The following RNGTT variants were observed in gnomAD, a reference collection of about 807,000 sequenced individuals.
RNGTT encodes the protein RNA guanylyltransferase and 5'-phosphatase, also known as mRNA-capping enzyme.
A neutral mutation model predicts 79.3 loss-of-function variants in RNGTT; 33 were observed. The observed-to-expected ratio is 0.42, with a 90% CI of 0.32 to 0.56. The LOEUF is 0.56. Ranked by LOEUF, RNGTT falls within the 20% of genes least tolerant of loss-of-function variation. The pLI, the probability that RNGTT is intolerant of heterozygous loss-of-function variation, is 0.17. For synonymous variants in RNGTT, 222 were observed against 235.9 expected, an observed-to-expected ratio of 0.94 and a Z score of 0.54; for missense variants, 497 against 739.1, an observed-to-expected ratio of 0.67 and a Z score of 3.80.
Position 88,698,224 on chromosome 6 carries a change from TATATATATG to T in RNGTT, c.1440-19814_1440-19806del, listed in dbSNP as rs1775794973. On this transcript the variant is annotated intron_variant, in intron 13 of 15. Coordinates refer to ENST00000369485, the MANE Select transcript of RNGTT (RefSeq NM_003800.5). ...TGATATATATGAAATATATATATCA[TATATATATG>T]AAATATATATATGAAATATATATAT... Among the ~76,000 whole-genome samples, 4 of 77,552 alleles carry T rather than the reference TATATATATG, an allele frequency of 5.2e-5. No individual in the cohort carries two copies. The African/African-American group carries it at 6.8e-4, about 13-fold the overall frequency. 50.9% of individuals were successfully genotyped at this position (77,552 alleles called of 152,430 possible).
chr6:88,940,959 CCTT>C, intron 2 of RNGTT, 109 bp downstream of exon 2: 1 of 581,278 alleles, frequency 1.7e-6, no homozygotes, highest in Non-Finnish European at 3.0e-6. Flanking sequence ...CTGCAACTTC[CCTT>C]GAGTCTATTA....
intron 14 of RNGTT, among the ~76,000 whole-genome samples, chr6:88,638,325 G>A (rs1252117174): frequency 6.6e-6 from 1 of 152,114 alleles, no homozygotes; most frequent in African/African-American, 2.4e-5. Flanking sequence ...TCATATGTAT[G>A]TGGATGGTTT....
chr6:88,952,132 A>T (rs1337750071), intron 1 of RNGTT, among the ~76,000 whole-genome samples: 1 of 152,064 alleles, frequency 6.6e-6, no homozygotes, highest in Non-Finnish European at 1.5e-5. Flanking sequence ...GAGCTGGGTG[A>T]AGCCTTTCAT....
At chr6:88,768,919 T>C (rs1037560518) in intron 13 of RNGTT, among the ~76,000 whole-genome samples, 3 of 152,176 alleles carry the variant, frequency 2.0e-5, no homozygotes, top group Non-Finnish European at 4.4e-5. Flanking sequence ...ATAAAAAATC[T>C]TAATGAAAGT....
chr6:88,710,708 G>A (rs1275816519), intron 13 of RNGTT, among the ~76,000 whole-genome samples: 1 of 152,026 alleles, frequency 6.6e-6, no homozygotes, highest in African/African-American at 2.4e-5. Context: ...CAAATGTAAG[G>A]AGCATAACAA....
At chr6:88,906,720 C>T (rs1481024338) in intron 4 of RNGTT, among the ~76,000 whole-genome samples, 1 of 152,002 alleles carries the variant, frequency 6.6e-6, no homozygotes, top group Non-Finnish European at 1.5e-5. Flanking sequence ...TAGAAGATTC[C>T]AAGCATTTTA....
intron 12 of RNGTT, among the ~76,000 whole-genome samples, chr6:88,773,083 A>G (rs1363079252): frequency 2.1e-5 from 3 of 145,210 alleles, no homozygotes; most frequent in South Asian, 2.3e-4. Flanking sequence ...ATGTCCAACA[A>G]TGATAGACTG....
chr6:88,718,389 A>G (rs1006494758), intron 13 of RNGTT, among the ~76,000 whole-genome samples: 29 of 150,772 alleles, frequency 1.9e-4, no homozygotes, highest in African/African-American at 5.6e-4. Context: ...TGTCTCTCAA[A>G]AAAAAAAAAA....
chr6:88,628,890 T>G (rs1772736115), intron 14 of RNGTT, among the ~76,000 whole-genome samples: 1 of 152,150 alleles, frequency 6.6e-6, no homozygotes, highest in Admixed American at 6.6e-5. Flanking sequence ...GTTCAGCTAA[T>G]GGAGCATCCT....
chr6:88,844,502 C>T lies in RNGTT; in HGVS notation c.1124G>A (p.Cys375Tyr). ...ACACTGCAGACGAACATTAAAATCACAATCTCCAACGGGCTGTGACTGAAT... is the reference window on the plus strand; with the variant it reads ...ACACTGCAGACGAACATTAAAATCATAATCTCCAACGGGCTGTGACTGAAT... Reference protein sequence around the residue: ...IKFNSQPVGDCDFNVRLQCIE... With the variant: ...IKFNSQPVGDYDFNVRLQCIE... Residue 375 changes from cysteine to tyrosine, a missense_variant, in exon 11 of 16, where the codon TGT becomes TAT. Transcript: ENST00000369485. 6.2e-7 allele frequency: 1 copy of T among 1,610,088 alleles called. No homozygotes were observed. The highest frequency in any genetic ancestry group is 8.5e-7 in the Non-Finnish European group (1 of 1,179,022).
chr6:88,755,501 T>TA (rs1363581115), intron 13 of RNGTT, among the ~76,000 whole-genome samples: 1 of 152,026 alleles, frequency 6.6e-6, no homozygotes, highest in Non-Finnish European at 1.5e-5. Flanking sequence ...TTTTCAGTAA[T>TA]ACCTGTAGGG....
chr6:88,770,405 TAAAAATA>T (rs1183901198), intron 12 of RNGTT, among the ~76,000 whole-genome samples: 5 of 152,192 alleles, frequency 3.3e-5, no homozygotes, highest in South Asian at 2.1e-4. Flanking sequence ...AGAAATACTT[TAAAAATA>T]AAAAATAAAG....
At chr6:88,769,588 G>T (rs922390070) in intron 13 of RNGTT, among the ~76,000 whole-genome samples, 186 bp downstream of exon 13, 2 of 151,964 alleles carry the variant, frequency 1.3e-5, no homozygotes, top group African/African-American at 4.8e-5. Flanking sequence ...AGCTGACACA[G>T]GTCAAAGGAG....
intron 14 of RNGTT, among the ~76,000 whole-genome samples, chr6:88,673,354 A>G (rs1774730323): frequency 6.6e-6 from 1 of 152,260 alleles, no homozygotes; most frequent in Admixed American, 6.5e-5. Context: ...TGAACATAAC[A>G]AATACTGGTA....
chr6:88,659,481 A>T (rs1477892659), intron 14 of RNGTT, among the ~76,000 whole-genome samples: 3 of 152,220 alleles, frequency 2.0e-5, no homozygotes, highest in Non-Finnish European at 4.4e-5. Flanking sequence ...TAAAAGACAC[A>T]CTTAGAGAAA....
intron 14 of RNGTT, among the ~76,000 whole-genome samples, chr6:88,638,107 C>T (rs1394958391): frequency 1.3e-5 from 2 of 152,036 alleles, no homozygotes; most frequent in African/African-American, 4.8e-5. Context: ...TGTGTCAAAC[C>T]AGCCTGCCAC....
intron 11 of RNGTT, among the ~76,000 whole-genome samples, chr6:88,821,871 A>G (rs539580876): frequency 2.3e-4 from 35 of 151,726 alleles, no homozygotes; most frequent in Admixed American, 7.9e-4. Context: ...CTGATGATAT[A>G]TTAGGCCACT....
chr6:88,702,612 A>G (rs1284866918), intron 13 of RNGTT, among the ~76,000 whole-genome samples: 2 of 152,216 alleles, frequency 1.3e-5, no homozygotes, highest in East Asian at 3.8e-4. Flanking sequence ...GAATCCTAGA[A>G]GAAAACCTAG....
intron 14 of RNGTT, among the ~76,000 whole-genome samples, chr6:88,614,952 C>T (rs1360778294): frequency 6.6e-6 from 1 of 152,206 alleles, no homozygotes; most frequent in Non-Finnish European, 1.5e-5. Flanking sequence ...GAAACTTAGC[C>T]TTTCCATCCC....
Sources: allele counts gnomAD v4.1 joint callset (sites outside exome capture counted in the v4.1 genomes callset), GRCh38; gene constraint gnomAD v4.1.1; transcripts MANE v1.5; gene names NCBI Gene and HGNC (gene_info 2026-07-23, HGNC 2026-07-21).